The following TMEM220 variants were observed in gnomAD, a reference collection of about 807,000 sequenced individuals.
TMEM220 encodes transmembrane protein 220.
Under a neutral mutation model 21.7 loss-of-function variants are expected in TMEM220, and 21 were observed. The observed-to-expected ratio is 0.97, with a 90% confidence interval of 0.69 to 1.39. The LOEUF is 1.39. Among genes scored for constraint, TMEM220 ranks in the 40% most tolerant of loss-of-function variants. The pLI is 0.00. For synonymous variants in TMEM220, 80 were observed against 73.6 expected (o/e 1.09, Z -0.45); for missense variants, 191 against 201.9 (o/e 0.95, Z 0.33).
chr17:10,715,733 A>T, intron 5 of TMEM220, 145 bp from the exon 6 acceptor site: 2 of 557,204 alleles, frequency 3.6e-6, no homozygotes. Flanking sequence ...TGATTTATAG[A>T]AATTATTTAT....
chr17:10,716,653 GTTGT>G (rs1266952445), intron 5 of TMEM220: 2 of 385,850 alleles, frequency 5.2e-6, no homozygotes, highest in East Asian at 6.3e-5. Context: ...GAAAGTAGGG[GTTGT>G]TTCACTTTTT....
Position 10,723,413 on chromosome 17 carries a change from A to G in TMEM220, c.288-84T>C, listed in dbSNP as rs888448720. On this transcript the variant is annotated intron_variant, in intron 4 of 5. Coordinates refer to ENST00000341871, the MANE Select transcript of TMEM220 (RefSeq NM_001004313.3). ...CACATTCTCTCCATGACCACCTGAT[A>G]GCGCATTCTGATTGAGTGACTGACT... 8 of 971,678 alleles carry G rather than the reference A, an allele frequency of 8.2e-6. No homozygotes were observed. The East Asian group carries it at 1.9e-4, about 23-fold the overall frequency. 60.2% of individuals were successfully genotyped at this position (971,678 alleles called of 1,614,324 possible).
At chr17:10,711,218 G>A (rs1488781823), downstream of TMEM220, 12 of 1,218,474 alleles carry the variant, frequency 9.8e-6, no homozygotes, top group African/African-American at 1.5e-5. Flanking sequence ...AAAATCCTCT[G>A]TCTCATTGTT....
At chr17:10,728,527 T>C (rs2075079207) in intron 2 of TMEM220, among the ~76,000 whole-genome samples, 1 of 152,168 alleles carries the variant, frequency 6.6e-6, no homozygotes, top group Non-Finnish European at 1.5e-5. Context: ...CTCAGGCTGA[T>C]CTAGAACTCC....
At chr17:10,716,294 C>T in intron 5 of TMEM220, 10 of 669,324 alleles carry the variant, frequency 1.5e-5, no homozygotes, top group South Asian at 1.4e-4. Flanking sequence ...CATAACGCAT[C>T]ATCCTCTTTG....
chr17:10,725,406 AG>A (rs1216986494), intron 3 of TMEM220, among the ~76,000 whole-genome samples: 2 of 152,202 alleles, frequency 1.3e-5, no homozygotes, highest in East Asian at 3.9e-4. Flanking sequence ...CCACACTCAC[AG>A]TCCATGTTTC....
chr17:10,729,144 A>C, intron 1 of TMEM220, 84 bp from the exon 2 acceptor site: 3 of 1,529,720 alleles, frequency 2.0e-6, no homozygotes, highest in Non-Finnish European at 2.7e-6. Flanking sequence ...ATTTTTTATT[A>C]ATTTGTTAAG....
rs1175820031 is a variant in TMEM220, at chr17:10,715,208, A to T, written c.*245T>A. 3.2e-6 allele frequency: 1 copy of T among 310,762 alleles called. No homozygotes were observed. The allele number at this position is 310,762 out of a possible 1,614,324, so 19.3% of individuals were successfully genotyped here. On this transcript the variant is annotated 3_prime_UTR_variant, in exon 6 of 6. Coordinates refer to ENST00000341871, the MANE Select transcript of TMEM220 (RefSeq NM_001004313.3). Reference sequence around the variant, plus strand: ...TTAGAACTCGTATTTTTAAACTTCTATTCTCTAGCCTTTTCCACTACATTA... The same window carrying T: ...TTAGAACTCGTATTTTTAAACTTCTTTTCTCTAGCCTTTTCCACTACATTA...
chr17:10,725,175 AGCCC>A (rs1468442419), intron 3 of TMEM220, 41 bp from the exon 4 acceptor site: 2 of 1,606,512 alleles, frequency 1.2e-6, no homozygotes, highest in Admixed American at 1.7e-5. Context: ...ACGGAATCAC[AGCCC>A]ACAGAAAAAA....
chr17:10,728,189 A>G (rs1170032550), intron 2 of TMEM220, among the ~76,000 whole-genome samples: 1 of 151,896 alleles, frequency 6.6e-6, no homozygotes, highest in African/African-American at 2.4e-5. Flanking sequence ...AGATATTTAG[A>G]AGATGTATGG....
At chr17:10,719,906 CAG>C (rs1354189342) in intron 5 of TMEM220, among the ~76,000 whole-genome samples, 10 of 152,122 alleles carry the variant, frequency 6.6e-5, no homozygotes, top group African/African-American at 2.4e-4. Flanking sequence ...CTACATTGCT[CAG>C]AGATAGACCA....
chr17:10,711,972 T>C (rs1567582251), downstream of TMEM220, among the ~76,000 whole-genome samples: 1 of 152,230 alleles, frequency 6.6e-6, no homozygotes. Flanking sequence ...ATGGGCACTA[T>C]AGGGATATAA....
chr17:10,716,549 G>C (rs1157878945), intron 5 of TMEM220: 2 of 600,650 alleles, frequency 3.3e-6, no homozygotes, highest in Non-Finnish European at 6.6e-6. Flanking sequence ...ACTTCTAAAA[G>C]AAAGCTGCAC....
chr17:10,727,170 T>C (rs1421967563), intron 2 of TMEM220, among the ~76,000 whole-genome samples: 1 of 143,660 alleles, frequency 7.0e-6, no homozygotes, highest in African/African-American at 2.5e-5. Flanking sequence ...TAGACCTCGA[T>C]TGTTTAATTA....
Position 10,724,992 on chromosome 17 carries a change from G to C in TMEM220, c.287+19C>G. On this transcript the variant is annotated intron_variant, in intron 4 of 5. Coordinates refer to ENST00000341871, the MANE Select transcript of TMEM220 (RefSeq NM_001004313.3). ...ATCCCACAGTTCTATCCCTCCACAGGGTAACCGTCACCGCTCACCTGCCTT... is the reference window on the plus strand; with the variant it reads ...ATCCCACAGTTCTATCCCTCCACAGCGTAACCGTCACCGCTCACCTGCCTT... 2 of 1,613,914 alleles carry C rather than the reference G, an allele frequency of 1.2e-6. No homozygotes were observed. Among genetic ancestry groups the C allele is most frequent in the Non-Finnish European group, 1.7e-6 (2 of 1,179,920 alleles).
At position 10,716,590 on chromosome 17, in the gene TMEM220, G is replaced by T. The variant is rs1370238837; in HGVS notation, c.348-1002C>A. ...CGGTCTGCACCCAACACTCTGTTTTGCTTTTTTATAATAGACCTGTGATCC... is the reference window on the plus strand; with the variant it reads ...CGGTCTGCACCCAACACTCTGTTTTTCTTTTTTATAATAGACCTGTGATCC... On this transcript the variant is annotated intron_variant, in intron 5 of 5. Transcript: ENST00000341871. 8.4e-6 allele frequency: 4 copies of T among 476,280 alleles called. 1 individual carries two copies. The highest frequency in any genetic ancestry group is 6.0e-5 in the African/African-American group (3 of 49,970). 29.5% of individuals were successfully genotyped at this position (476,280 alleles called of 1,614,324 possible). A position where few individuals can be genotyped will look rare whatever the true frequency, so the allele number is the denominator to read the frequency against.
chr17:10,729,465 T>G (rs1225383453), intron 1 of TMEM220, among the ~76,000 whole-genome samples: 3 of 152,096 alleles, frequency 2.0e-5, no homozygotes, highest in African/African-American at 7.2e-5. Context: ...CTGAGATATG[T>G]TCAGTGTCGT....
Position 10,715,444 on chromosome 17 carries a change from T to A in TMEM220, c.*9A>T. 1 of 1,577,950 alleles carries A rather than the reference T, an allele frequency of 6.3e-7. No homozygotes were observed. The highest frequency in any genetic ancestry group is 8.5e-7 in the Non-Finnish European group (1 of 1,171,464). ...ATATTCATTTTAAAAACGAAGTTCT[T>A]GAATTTATTTAAATTACTGTCTTGC... On this transcript the variant is annotated 3_prime_UTR_variant, in exon 6 of 6. Transcript: ENST00000341871.
Position 10,726,214 on chromosome 17 carries a change from A to G in TMEM220, c.153T>C (p.Pro51=), listed in dbSNP as rs749683639. The change falls in exon 3 of 6, where the codon CCT becomes CCC. Residue 51 remains proline (P), a synonymous_variant. Transcript: ENST00000341871. The part of the protein sequence containing the change: ...AVLTLLVGLN[P]EVTGNVIWKS... The stretch of plus-strand genomic sequence containing the variant: ...ATGCAAGGCTTATACCTGTGACTTC[A>G]GGGTTAAGTCCAACAAGCAGGGTCA... The G allele has an allele frequency of 6.8e-6, 11 of 1,613,860 alleles. No homozygotes were observed. Among genetic ancestry groups the G allele is most frequent in the Non-Finnish European group, 9.3e-6 (11 of 1,179,750 alleles).
Sources: allele counts gnomAD v4.1 joint callset (sites outside exome capture counted in the v4.1 genomes callset), GRCh38; gene constraint gnomAD v4.1.1; transcripts MANE v1.5; gene names NCBI Gene and HGNC (gene_info 2026-07-23, HGNC 2026-07-21).